OR1L8: variants seen among roughly 807,000 people sequenced by gnomAD.
OR1L8 encodes olfactory receptor 1L8.
For missense variants in OR1L8, 330 were observed against 377.4 expected (o/e 0.87, Z 1.04); for synonymous variants, 148 against 147.0 (o/e 1.01, Z -0.05).
At chr9:122,569,144 C>G (rs1000002481) in intron 4 of OR1L8, among the ~76,000 whole-genome samples, 2 of 151,944 alleles carry the variant, frequency 1.3e-5, no homozygotes, top group African/African-American at 4.8e-5. Flanking sequence ...TTTTTTTCTG[C>G]TCTGCTCACA....
intron 1 of OR1L8, among the ~76,000 whole-genome samples, chr9:122,579,329 T>C (rs563494514): frequency 2.0e-5 from 3 of 152,264 alleles, no homozygotes; most frequent in Non-Finnish European, 4.4e-5. Context: ...TACATTGTAA[T>C]TGAATTTTAA....
chr9:122,582,809 T>G (rs1432321674), intron 1 of OR1L8, among the ~76,000 whole-genome samples: 2 of 151,966 alleles, frequency 1.3e-5, no homozygotes, highest in Non-Finnish European at 2.9e-5. Flanking sequence ...AAAAAGTTAG[T>G]AGCCACAATT....
chr9:122,563,186 T>TG (rs1829379076), downstream of OR1L8, among the ~76,000 whole-genome samples: 2 of 75,378 alleles, frequency 2.7e-5, no homozygotes, highest in African/African-American at 9.8e-5. Context: ...CATTTGTTAT[T>TG]TTTTTTTTTG....
intron 3 of OR1L8, among the ~76,000 whole-genome samples, chr9:122,573,670 A>T (rs1175814022): frequency 1.3e-5 from 2 of 152,176 alleles, no homozygotes; most frequent in Non-Finnish European, 2.9e-5. Context: ...TTTTGTGCAA[A>T]TATTTTCTCC....
In OR1L8 at chr9:122,573,284, C is replaced by G. The variant is rs144437864; in HGVS notation, c.-341-376G>C. 1.5e-3 allele frequency among the ~76,000 whole-genome samples: 223 copies of G among 152,332 alleles called. 1 individual carries two copies. The highest frequency in any genetic ancestry group is 5.2e-3 in the African/African-American group (215 of 41,572). On this transcript the variant is annotated intron_variant, in intron 3 of 4. Coordinates refer to ENST00000641027, the MANE Select transcript of OR1L8 (RefSeq NM_001004454.2). ...AGGAGACAGGGACCCCTGAGGCTTCCCATTTAGATGTTGGGGCTAAACTCA... is the reference window on the plus strand; with the variant it reads ...AGGAGACAGGGACCCCTGAGGCTTCGCATTTAGATGTTGGGGCTAAACTCA...
rs773485036 is a variant in OR1L8, at chr9:122,567,714, C to A, written c.764G>T (p.Ser255Ile). 1 of 1,614,000 alleles carries A rather than the reference C, an allele frequency of 6.2e-7. No homozygotes were observed. Among genetic ancestry groups the A allele is most frequent in the Non-Finnish European group, 8.5e-7 (1 of 1,179,982 alleles). ...YLTVVTLFYG[S>I]IFCVYLQPPS... ...GGGCTGTAAATAGACACAGAAGATGCTTCCATAAAAGAGCGTCACCACGGT... is the reference window on the plus strand; with the variant it reads ...GGGCTGTAAATAGACACAGAAGATGATTCCATAAAAGAGCGTCACCACGGT... Residue 255 changes from serine (S) to isoleucine (I), a missense_variant, in exon 5 of 5, where the codon AGC becomes ATC. Transcript: ENST00000641027.
At chr9:122,572,607 G>A (rs1402131255) in intron 4 of OR1L8, among the ~76,000 whole-genome samples, 173 bp downstream of exon 4, 3 of 149,656 alleles carry the variant, frequency 2.0e-5, no homozygotes, top group Non-Finnish European at 4.4e-5. Context: ...ATAGGGTTTT[G>A]CTGCTCTCAA....
At chr9:122,580,350 A>G (rs1379932144) in intron 1 of OR1L8, among the ~76,000 whole-genome samples, 1 of 152,244 alleles carries the variant, frequency 6.6e-6, no homozygotes, top group Admixed American at 6.5e-5. Flanking sequence ...TTCGACGTAC[A>G]GGATGGCACA....
the OR1L8 span, among the ~76,000 whole-genome samples, chr9:122,552,616 C>G: frequency 6.6e-6 from 1 of 152,046 alleles, no homozygotes; most frequent in Non-Finnish European, 1.5e-5. Flanking sequence ...GCTCACATAT[C>G]CTTTGCCGCT....
chr9:122,564,208 G>T (rs1215815144), downstream of OR1L8, among the ~76,000 whole-genome samples: 1 of 152,186 alleles, frequency 6.6e-6, no homozygotes, highest in Non-Finnish European at 1.5e-5. Flanking sequence ...TGTGATTAAT[G>T]AAATTTTAGC....
At chr9:122,564,321 T>C (rs1417675514), downstream of OR1L8, among the ~76,000 whole-genome samples, 1 of 152,158 alleles carries the variant, frequency 6.6e-6, no homozygotes, top group African/African-American at 2.4e-5. Flanking sequence ...TGTGGTTATT[T>C]CTCCAATTCT....
At chr9:122,569,659 C>CATTTT (rs56279203) in intron 4 of OR1L8, among the ~76,000 whole-genome samples, 488 of 150,482 alleles carry the variant, frequency 3.2e-3, no homozygotes, top group African/African-American at 0.011. Flanking sequence ...GAAACAACTT[C>CATTTT]ATTTTATTTT....
chr9:122,572,984 C>G (rs537975656), intron 3 of OR1L8, 76 bp from the exon 4 acceptor site: 11 of 152,378 alleles, frequency 7.2e-5, no homozygotes, highest in African/African-American at 2.6e-4. Context: ...CCTTAACTCC[C>G]TGTTTCCTTC....
At chr9:122,547,863 T>A in the OR1L8 span, among the ~76,000 whole-genome samples, 12 of 152,276 alleles carry the variant, frequency 7.9e-5, no homozygotes, top group African/African-American at 2.9e-4. Flanking sequence ...CTTTGAGAAA[T>A]CATACTGTTT....
chr9:122,571,547 C>CA lies in OR1L8; in HGVS notation c.-213+1232dup, dbSNP rs59592725. On this transcript the variant is annotated intron_variant, in intron 4 of 4. Coordinates refer to ENST00000641027, the MANE Select transcript of OR1L8 (RefSeq NM_001004454.2). Reference sequence around the variant, plus strand: ...CCTGGCCAACAGAGCCAGACTGTCTCAAAAAAAAAAAAAAAAAAATTAGCT... The same window carrying CA: ...CCTGGCCAACAGAGCCAGACTGTCTCAAAAAAAAAAAAAAAAAAAATTAGCT... Among the ~76,000 whole-genome samples, 1,255 of 126,838 alleles carry CA rather than the reference C, an allele frequency of 9.9e-3. 21 individuals are homozygous for CA. The highest frequency in any genetic ancestry group is 0.029 in the African/African-American group (956 of 33,228). 83.2% of individuals were successfully genotyped at this position (126,838 alleles called of 152,430 possible).
the OR1L8 span, among the ~76,000 whole-genome samples, chr9:122,552,797 T>TGTGTGTGTGTGTGTG: frequency 2.6e-4 from 35 of 135,360 alleles, no homozygotes; most frequent in South Asian, 5.0e-4. Context: ...TGTGTGTGTG[T>TGTGTGTGTGTGTGTG]TGGAGGAGGG....
At chr9:122,564,800 A>T, downstream of OR1L8, among the ~76,000 whole-genome samples, 1 of 152,220 alleles carries the variant, frequency 6.6e-6, no homozygotes, top group East Asian at 1.9e-4. Context: ...GCTTGCTTTC[A>T]GCTGGCAGGG....
chr9:122,566,048 A>G (rs1019364905), downstream of OR1L8, among the ~76,000 whole-genome samples: 1 of 152,196 alleles, frequency 6.6e-6, no homozygotes, highest in African/African-American at 2.4e-5. Context: ...AACACAAATT[A>G]GGGTGACCTC....
chr9:122,559,353 G>A, the OR1L8 span, among the ~76,000 whole-genome samples: 1 of 151,856 alleles, frequency 6.6e-6, no homozygotes, highest in South Asian at 2.1e-4. Context: ...TGCAGAATGT[G>A]CAGGTTTGTT....
Sources: gnomAD v4.1 joint callset for allele counts (sites outside exome capture counted in the v4.1 genomes callset) on GRCh38, gnomAD v4.1.1 for gene constraint, MANE v1.5 for transcripts, NCBI Gene and HGNC (gene_info 2026-07-23, HGNC 2026-07-21) for gene names.